Variants in BICRA observed in about 807,000 individuals in gnomAD.
BICRA encodes the protein BRD4-interacting chromatin-remodeling complex-associated protein.
A neutral mutation model predicts 96.9 loss-of-function variants in BICRA; 31 were observed. The observed-to-expected ratio is 0.32, with a 90% CI of 0.24 to 0.43. BICRA has a LOEUF of 0.43. Ranked by LOEUF, BICRA falls within the 20% of genes least tolerant of loss-of-function variation. BICRA has a pLI of 1.00. For missense variants in BICRA, 2,283 were observed against 2,190.3 expected (o/e 1.04, Z -0.84); for synonymous variants, 1,350 against 1,071.8 (o/e 1.26, Z -5.07).
At position 47,702,285 on chromosome 19, in the gene BICRA, C is replaced by T. The variant is rs757753962; in HGVS notation, c.4553C>T (p.Thr1518Met). 12 of 1,593,258 alleles carry T rather than the reference C, an allele frequency of 7.5e-6. No homozygotes were observed. Among genetic ancestry groups the T allele is most frequent in the East Asian group, 4.5e-5 (2 of 44,114 alleles). ...AACCTGCAGCAGGCCCCCGGCCGGA[C>T]GCCCGCGCCCTCGTACCCCCACGCT... Reference protein sequence around the residue: ...ILNLQQAPGRTPAPSYPHAAS... With the variant: ...ILNLQQAPGRMPAPSYPHAAS... The change falls in exon 15 of 15, where the codon ACG (threonine) becomes ATG (methionine). Residue 1518 changes from threonine to methionine, a missense_variant. Coordinates refer to ENST00000594866, the MANE Select transcript of BICRA (RefSeq NM_001394372.1).
intron 1 of BICRA, among the ~76,000 whole-genome samples, chr19:47,634,484 C>T (rs1357683622): frequency 1.3e-5 from 2 of 152,146 alleles, no homozygotes; most frequent in African/African-American, 4.8e-5. Context: ...TTCTCTCCCC[C>T]TTGATCACTG....
rs774257595 is a variant in BICRA at position 47,679,992 on chromosome 19, G to T, written c.822G>T (p.Thr274=). Residue 274 remains threonine (T), a synonymous_variant, in exon 6 of 15, where the codon ACG becomes ACT. Transcript: ENST00000594866. ...ASAAGPSEPV[T]LASAGVSPQG... ...CGGCTGGCCCCTCGGAGCCCGTGAC[G>T]CTGGCGTCGGCCGGTGTCTCGCCAC... The T allele has an allele frequency of 6.7e-6, 10 of 1,482,244 alleles. No homozygotes were observed. The Admixed American group carries it at 2.2e-4, about 33-fold the overall frequency. The allele number at this position is 1,482,244 out of a possible 1,614,324, so 91.8% of individuals were successfully genotyped here.
chr19:47,694,311 C>T lies in BICRA; in HGVS notation c.2480C>T (p.Ala827Val), dbSNP rs750493145. The change falls in exon 8 of 15, where the codon GCC becomes GTC. Residue 827 changes from alanine to valine, a missense_variant. By Grantham distance (64) the Ala-to-Val change is moderately conservative (BLOSUM62 0). Coordinates refer to ENST00000594866, the MANE Select transcript of BICRA (RefSeq NM_001394372.1). ...TTGCACCCTTGCCCCCCACCCCAGG[C>T]CCCCCCAACTCTGCCTGGCATCTTT... ...PPLHPCPPPQ[A>V]PPTLPGIFVI... is the part of the protein sequence containing the mutation. 5 of 806,954 alleles carry T rather than the reference C, an allele frequency of 6.2e-6. No homozygotes were observed. Among genetic ancestry groups the T allele is most frequent in the South Asian group, 3.0e-5 (2 of 66,960 alleles). The allele number at this position is 806,954 out of a possible 1,614,324, so 50.0% of individuals were successfully genotyped here. A position where few individuals can be genotyped will look rare whatever the true frequency, so the allele number is the denominator to read the frequency against.
At chr19:47,695,258 G>T (rs1446665346) in intron 9 of BICRA, 107 bp from the exon 10 acceptor site, 4 of 762,946 alleles carry the variant, frequency 5.2e-6, no homozygotes, top group Non-Finnish European at 8.8e-6. Flanking sequence ...TGAAGGGCCG[G>T]AGGGCCAGGA....
chr19:47,609,551 A>C (rs1398698402), intron 1 of BICRA, among the ~76,000 whole-genome samples: 3 of 149,720 alleles, frequency 2.0e-5, no homozygotes, highest in Non-Finnish European at 4.5e-5. Flanking sequence ...GCTGCCGGGG[A>C]TACAATGGAG....
In BICRA at chr19:47,695,094, C is replaced by T. The variant is rs762705047; in HGVS notation, c.3076+14C>T. 1.2e-5 allele frequency: 18 copies of T among 1,478,928 alleles called. 1 individual carries two copies. Among genetic ancestry groups the T allele is most frequent in the South Asian group, 5.1e-5 (4 of 77,860 alleles). 91.6% of individuals were successfully genotyped at this position (1,478,928 alleles called of 1,614,324 possible). On this transcript the variant is annotated intron_variant, in intron 9 of 14. Transcript: ENST00000594866. ...TGGCCGCCACAGGTAGGAGAGAGGTCGCCTATGTGCCCAGGGAGACGGGGC... is the reference window on the plus strand; with the variant it reads ...TGGCCGCCACAGGTAGGAGAGAGGTTGCCTATGTGCCCAGGGAGACGGGGC...
At chr19:47,621,533 G>GTGCTA (rs1972064577) in intron 1 of BICRA, among the ~76,000 whole-genome samples, 1 of 150,880 alleles carries the variant, frequency 6.6e-6, no homozygotes. Flanking sequence ...GAGTGCAATG[G>GTGCTA]TGCTATCTTG....
chr19:47,664,700 G>C (rs1357918828), intron 1 of BICRA, among the ~76,000 whole-genome samples: 4 of 152,210 alleles, frequency 2.6e-5, no homozygotes, highest in Admixed American at 2.6e-4. Context: ...GTGACGAGTG[G>C]GCCCGGGTCG....
rs141132703 is a variant in BICRA at position 47,674,695 on chromosome 19, C to T, written c.84+933C>T. On this transcript the variant is annotated intron_variant, in intron 4 of 14. Coordinates refer to ENST00000594866, the MANE Select transcript of BICRA (RefSeq NM_001394372.1). ...GATGTGCTTCCACCAGGACTCATTC[C>T]TGTGGCTGTTGGCAGGAGGCCTCAG... Among the ~76,000 whole-genome samples the T allele has an allele frequency of 9.9e-3, 1,508 of 152,322 alleles. 10 individuals carry two copies. Among genetic ancestry groups the T allele is most frequent in the Non-Finnish European group, 0.015 (1,025 of 68,030 alleles).
intron 1 of BICRA, among the ~76,000 whole-genome samples, chr19:47,647,785 G>A (rs909818286): frequency 2.6e-5 from 4 of 151,986 alleles, no homozygotes; most frequent in African/African-American, 7.3e-5. Context: ...TGTCCGCATC[G>A]TTAGTGAAGA....
At chr19:47,647,349 C>T (rs1190732620) in intron 1 of BICRA, among the ~76,000 whole-genome samples, 2 of 152,144 alleles carry the variant, frequency 1.3e-5, no homozygotes, top group Non-Finnish European at 2.9e-5. Flanking sequence ...TGTTAACCTA[C>T]TGAGACCAGC....
At chr19:47,613,921 T>C (rs1210006436) in intron 1 of BICRA, among the ~76,000 whole-genome samples, 1 of 151,560 alleles carries the variant, frequency 6.6e-6, no homozygotes, top group Non-Finnish European at 1.5e-5. Flanking sequence ...TATGTATTCA[T>C]TGGGGGGAGG....
intron 1 of BICRA, among the ~76,000 whole-genome samples, chr19:47,647,337 T>C (rs1384572732): frequency 6.6e-6 from 1 of 152,074 alleles, no homozygotes; most frequent in Non-Finnish European, 1.5e-5. Context: ...AGGGTAACTG[T>C]GTGTTAACCT....
Position 47,699,036 on chromosome 19 carries a change from C to G in BICRA, c.3469C>G (p.Leu1157Val), listed in dbSNP as rs1265390551. The change falls in exon 13 of 15, where the codon CTC (leucine) becomes GTC (valine). Residue 1157 changes from leucine to valine, a missense_variant. By Grantham distance (32) the Leu-to-Val change is conservative. Transcript: ENST00000594866. The surrounding 1 kb of genome is among the most constrained non-coding windows in gnomAD (Gnocchi z 5.0). ...CCAGGCCATGCTCAATAAATATCGG[C>G]TCCTGCTCCTGGAGGAGTCCCGGGT... ...RTQAMLNKYR[L>V]LLLEESRRVS... 1 of 1,576,568 alleles carries G rather than the reference C, an allele frequency of 6.3e-7. No individual in the cohort carries two copies. Among genetic ancestry groups the G allele is most frequent in the East Asian group, 2.4e-5 (1 of 42,530 alleles).
intron 1 of BICRA, among the ~76,000 whole-genome samples, chr19:47,619,470 G>T (rs112757935): frequency 3.3e-5 from 5 of 152,192 alleles, no homozygotes; most frequent in African/African-American, 1.2e-4. Flanking sequence ...TGTTGGCCAG[G>T]CTGGTCTCGA....
chr19:47,618,687 C>T (rs1295366825), intron 1 of BICRA, among the ~76,000 whole-genome samples: 1 of 152,168 alleles, frequency 6.6e-6, no homozygotes, highest in Non-Finnish European at 1.5e-5. Flanking sequence ...CCCCTCTCAG[C>T]CTCTTATGTC....
At chr19:47,621,064 G>A (rs1972058342) in intron 1 of BICRA, among the ~76,000 whole-genome samples, 1 of 152,132 alleles carries the variant, frequency 6.6e-6, no homozygotes, top group Non-Finnish European at 1.5e-5. Context: ...GAATGAATGG[G>A]AACCTGGGAG....
chr19:47,700,710 C>T (rs1973426680), intron 14 of BICRA: 1 of 151,984 alleles, frequency 6.6e-6, no homozygotes, highest in African/African-American at 2.4e-5. Context: ...AGGAGACTCG[C>T]TTGAACCCAG....
At chr19:47,610,227 C>G (rs1049643291) in intron 1 of BICRA, among the ~76,000 whole-genome samples, 18 of 152,306 alleles carry the variant, frequency 1.2e-4, no homozygotes, top group Non-Finnish European at 2.1e-4. Flanking sequence ...ATGGAGCCAT[C>G]TGGTTTTCCC....
Sources: gnomAD v4.1 joint callset for allele counts (sites outside exome capture counted in the v4.1 genomes callset) on GRCh38, gnomAD v4.1.1 for gene constraint, Gnocchi (gnomAD v3.1) non-coding constraint, MANE v1.5 for transcripts, NCBI Gene and HGNC (gene_info 2026-07-23, HGNC 2026-07-21) for gene names.